LPAR1: variants seen among roughly 807,000 people sequenced by gnomAD.
The protein encoded by LPAR1 is LPA receptor 1.
Under a neutral mutation model 23.8 loss-of-function variants are expected in LPAR1, and 5 were observed. That is an observed-to-expected ratio of 0.21 (90% CI 0.11 to 0.44). The LOEUF (loss-of-function observed/expected upper bound fraction) is 0.44. Among genes scored for constraint, LPAR1 ranks in the 20% least tolerant of loss-of-function variants. The pLI is 0.99. For missense variants in LPAR1, 311 were observed against 482.8 expected (o/e 0.64, Z 3.33); for synonymous variants, 160 against 164.7 (o/e 0.97, Z 0.22).
At chr9:110,913,192 G>T (rs1248496627) in intron 5 of LPAR1, among the ~76,000 whole-genome samples, 2 of 152,136 alleles carry the variant, frequency 1.3e-5, no homozygotes, top group African/African-American at 4.8e-5. Flanking sequence ...CATCTATCTA[G>T]GAATCTAGCT....
At chr9:110,896,720 T>C (rs1015869414) in intron 5 of LPAR1, among the ~76,000 whole-genome samples, 1 of 152,138 alleles carries the variant, frequency 6.6e-6, no homozygotes, top group South Asian at 2.1e-4. Context: ...CACTGAAGCA[T>C]GACTTAAAAT....
chr9:110,963,798 C>T (rs1031913431), intron 4 of LPAR1, among the ~76,000 whole-genome samples: 4 of 152,132 alleles, frequency 2.6e-5, no homozygotes, highest in African/African-American at 7.2e-5. Flanking sequence ...AAACTTGTTA[C>T]CACACTGTAT....
At chr9:110,889,416 G>C (rs1212371947) in intron 5 of LPAR1, among the ~76,000 whole-genome samples, 1 of 151,980 alleles carries the variant, frequency 6.6e-6, no homozygotes, top group Non-Finnish European at 1.5e-5. Flanking sequence ...GAAAAGAAAA[G>C]TCAGGTAAGA....
chr9:110,987,005 T>C (rs1400157634), intron 2 of LPAR1, among the ~76,000 whole-genome samples: 1 of 152,090 alleles, frequency 6.6e-6, no homozygotes, highest in Non-Finnish European at 1.5e-5. Context: ...GGTGAAACTG[T>C]TGTAACCTTT....
chr9:111,005,151 CAAAA>C (rs71371700), intron 2 of LPAR1, among the ~76,000 whole-genome samples: 7 of 74,288 alleles, frequency 9.4e-5, no homozygotes, highest in African/African-American at 3.2e-4. Context: ...GACAAAGTCT[CAAAA>C]AAAAAAAAAA....
chr9:110,985,095 G>C (rs2096753405), intron 2 of LPAR1, among the ~76,000 whole-genome samples: 1 of 152,088 alleles, frequency 6.6e-6, no homozygotes, highest in African/African-American at 2.4e-5. Flanking sequence ...AAATGGTTCA[G>C]CTGGGATGAA....
At chr9:110,952,841 T>C (rs1418785925) in intron 4 of LPAR1, among the ~76,000 whole-genome samples, 1 of 152,132 alleles carries the variant, frequency 6.6e-6, no homozygotes, top group Non-Finnish European at 1.5e-5. Context: ...CACGTCCACC[T>C]GGCCCAGCTC....
intron 5 of LPAR1, among the ~76,000 whole-genome samples, chr9:110,907,357 G>A (rs543024611): frequency 2.2e-4 from 33 of 152,090 alleles, no homozygotes; most frequent in Non-Finnish European, 2.9e-5. Flanking sequence ...AAAAGGCAAG[G>A]GGTAATCGTT....
intron 2 of LPAR1, among the ~76,000 whole-genome samples, chr9:111,023,480 C>A (rs2097606299): frequency 6.6e-6 from 1 of 152,104 alleles, no homozygotes; most frequent in Admixed American, 6.5e-5. Flanking sequence ...TTTTCCCCCA[C>A]AGAATTTATC....
intron 2 of LPAR1, among the ~76,000 whole-genome samples, chr9:111,035,340 G>A (rs993839041): frequency 2.0e-5 from 3 of 151,554 alleles, no homozygotes; most frequent in South Asian, 2.1e-4. Flanking sequence ...TCCCTCCTCC[G>A]CCTCCCAAGT....
In LPAR1 at chr9:110,875,673, G is replaced by A. The variant is rs148990722; in HGVS notation, c.843C>T (p.Asp281=). 2.6e-5 allele frequency: 42 copies of A among 1,612,848 alleles called. No individual in the cohort carries two copies. Among genetic ancestry groups the A allele is most frequent in the African/African-American group, 1.3e-4 (10 of 75,014 alleles). ...GCACGTCGCACTGTGGACAGCACAC[G>A]TCTAGAAGTAACAAAACCAATCCAG... ...WTPGLVLLLL[D]VCCPQCDVLA... is the part of the protein sequence containing the mutation. The change falls in exon 6 of 6, where the codon GAC becomes GAT. Residue 281 remains aspartate, a synonymous_variant. Transcript: ENST00000683809.
Position 110,942,504 on chromosome 9 carries a change from T to C in LPAR1, c.46-336A>G, listed in dbSNP as rs189437232. 1.3e-4 allele frequency among the ~76,000 whole-genome samples: 20 copies of C among 152,332 alleles called. No homozygotes were observed. The East Asian group carries it at 1.7e-3, about 13-fold the overall frequency. On this transcript the variant is annotated intron_variant, in intron 4 of 5. Transcript: ENST00000683809. Reference sequence around the variant, plus strand: ...ACAAAAATTTTGCAGAACATTGCAATTGGAATATTTACCATAGTAAAATCT... The same window carrying C: ...ACAAAAATTTTGCAGAACATTGCAACTGGAATATTTACCATAGTAAAATCT...
In LPAR1 at chr9:111,035,738, C is replaced by A. The variant is rs189322222; in HGVS notation, c.-182+384G>T. ...AAACATCAAAGAAAAGGAAGACAGG[C>A]CACACATCAAACACAGACATTAAAA... On this transcript the variant is annotated intron_variant, in intron 2 of 5. Coordinates refer to ENST00000683809, the MANE Select transcript of LPAR1 (RefSeq NM_001351411.2). 9.9e-5 allele frequency among the ~76,000 whole-genome samples: 15 copies of A among 152,218 alleles called. 1 individual carries two copies. The East Asian group carries it at 2.9e-3, about 29-fold the overall frequency.
intron 2 of LPAR1, among the ~76,000 whole-genome samples, chr9:110,988,956 C>T (rs192574775): frequency 4.3e-4 from 65 of 151,720 alleles, no homozygotes; most frequent in African/African-American, 1.5e-3. Context: ...TGAGCAGCAA[C>T]AAAAAAAGAA....
At chr9:110,952,202 A>C (rs988161700) in intron 4 of LPAR1, among the ~76,000 whole-genome samples, 1 of 152,208 alleles carries the variant, frequency 6.6e-6, no homozygotes, top group Non-Finnish European at 1.5e-5. Flanking sequence ...ACTGGCGAGA[A>C]GCCTGGAACA....
chr9:111,031,553 G>A (rs548590950), intron 2 of LPAR1, among the ~76,000 whole-genome samples: 9 of 152,228 alleles, frequency 5.9e-5, no homozygotes, highest in South Asian at 4.2e-4. Flanking sequence ...CAAAGCTGCC[G>A]TGAGCCAGGA....
intron 2 of LPAR1, among the ~76,000 whole-genome samples, chr9:111,018,167 C>T (rs909373392): frequency 6.6e-6 from 1 of 152,294 alleles, no homozygotes; most frequent in East Asian, 1.9e-4. Context: ...AGAACATCCA[C>T]CAATGAGGTC....
chr9:110,892,104 T>C (rs2084376287), intron 5 of LPAR1, among the ~76,000 whole-genome samples: 1 of 152,208 alleles, frequency 6.6e-6, no homozygotes. Flanking sequence ...GAGCAAAATA[T>C]TTGTAATAGT....
chr9:110,973,922 A>C (rs1029203070), intron 2 of LPAR1, among the ~76,000 whole-genome samples: 3 of 152,180 alleles, frequency 2.0e-5, no homozygotes, highest in Non-Finnish European at 4.4e-5. Flanking sequence ...TGTAATCTCA[A>C]AACTTTGGGA....
Sources: gnomAD v4.1 joint callset for allele counts (sites outside exome capture counted in the v4.1 genomes callset) on GRCh38, gnomAD v4.1.1 for gene constraint, MANE v1.5 for transcripts, NCBI Gene and HGNC (gene_info 2026-07-23, HGNC 2026-07-21) for gene names.